The following KCNA4 variants were observed in gnomAD, a reference collection of about 807,000 sequenced individuals.
KCNA4 encodes the protein potassium voltage-gated channel subfamily A member 4.
A neutral mutation model predicts 37.2 loss-of-function variants in KCNA4; 5 were observed. That is an observed-to-expected ratio of 0.13 (90% confidence interval 0.07 to 0.28). The LOEUF (loss-of-function observed/expected upper bound fraction) is 0.28, where lower values mean the gene tolerates loss of function less well. KCNA4 is among the 10% of genes least tolerant of loss of function. KCNA4 has a pLI of 1.00. For missense variants in KCNA4, 634 were observed against 817.4 expected (o/e 0.78, Z 2.74); for synonymous variants, 350 against 311.8 (o/e 1.12, Z -1.29).
rs1850310773 is a variant in KCNA4, at chr11:30,012,207, G to A, written c.472C>T (p.Pro158Ser). 6.2e-7 allele frequency: 1 copy of A among 1,614,146 alleles called. No homozygotes were observed. Among genetic ancestry groups the A allele is most frequent in the African/African-American group, 1.3e-5 (1 of 75,046 alleles). Residue 158 changes from proline (P) to serine (S), a missense_variant, in exon 2 of 2, where the codon CCT becomes TCT. This residue lies in a region of KCNA4 where 236 missense variants were observed against 229.5 expected (regional missense o/e 1.03). Coordinates refer to ENST00000328224, the MANE Select transcript of KCNA4 (RefSeq NM_002233.4). ...TAGCCGCCACCGCCCTCATCCTGAG[G>A]CAGCAGATCCGTGTAGGAACACTCA... Reference protein sequence around the residue: ...GDECSYTDLLPQDEGGGGYSS... With the variant: ...GDECSYTDLLSQDEGGGGYSS...
Position 30,013,400 on chromosome 11 carries a change from A to G in KCNA4, c.-722T>C, listed in dbSNP as rs1850324730. ...AAGCAAAACCAGCTCTGAGGTCTCC[A>G]TAGAAATCAAGGAAATGCAGAGCAT... On this transcript the variant is annotated 5_prime_UTR_variant, in exon 2 of 2. The change abolishes an upstream ATG in the 5' untranslated region. Coordinates refer to ENST00000328224, the MANE Select transcript of KCNA4 (RefSeq NM_002233.4). The G allele has an allele frequency of 6.0e-6, 1 of 167,100 alleles. No homozygotes were observed. Among genetic ancestry groups the G allele is most frequent in the Non-Finnish European group, 1.5e-5 (1 of 68,132 alleles). 10.4% of individuals were successfully genotyped at this position (167,100 alleles called of 1,614,324 possible).
At position 30,011,560 on chromosome 11, in the gene KCNA4, G is replaced by T. The variant is rs775146851; in HGVS notation, c.1119C>A (p.Ile373=). 4.3e-6 allele frequency: 7 copies of T among 1,614,114 alleles called. No homozygotes were observed. In the East Asian group the frequency reaches 8.9e-5, roughly 21 times the overall value. ...ACCATACAATACAGACTGTTTCCACGATGAAGAAGGGGTCATTGAATATTG... is the reference window on the plus strand; with the variant it reads ...ACCATACAATACAGACTGTTTCCACTATGAAGAAGGGGTCATTGAATATTG... ...GHTIFNDPFF[I]VETVCIVWFS... is the part of the protein sequence containing the mutation. The change falls in exon 2 of 2, where the codon ATC becomes ATA. Residue 373 remains isoleucine, a synonymous_variant. Coordinates refer to ENST00000328224, the MANE Select transcript of KCNA4 (RefSeq NM_002233.4). This position sits in a 1 kb window ranked among gnomAD's most constrained non-coding sequence, Gnocchi z 5.6.
Position 30,010,515 on chromosome 11 carries a change from C to T in KCNA4, c.*202G>A. The stretch of plus-strand genomic sequence containing the variant: ...TAAAAATATAAAGATAGATTTGCTC[C>T]TATTCCTCCCTCTTCTCCAAGATGT... On this transcript the variant is annotated 3_prime_UTR_variant, in exon 2 of 2. Transcript: ENST00000328224. The T allele has an allele frequency of 1.2e-6, 1 of 816,292 alleles. No homozygotes were observed. Among genetic ancestry groups the T allele is most frequent in the Non-Finnish European group, 1.8e-6 (1 of 566,702 alleles). 50.6% of individuals were successfully genotyped at this position (816,292 alleles called of 1,614,324 possible).
Position 30,016,650 on chromosome 11 carries a change from T to C in KCNA4, c.-861A>G, listed in dbSNP as rs1850355080. ...TTTTTCCCCCTCAAGCTGCAACAGC[T>C]GGAGGAGGGGAAGAATGATCCTGGG... On this transcript the variant is annotated 5_prime_UTR_variant, in exon 1 of 2. Transcript: ENST00000328224. 9.5e-6 allele frequency: 2 copies of C among 210,232 alleles called. No individual in the cohort carries two copies. Among genetic ancestry groups the C allele is most frequent in the East Asian group, 8.3e-5 (1 of 12,040 alleles). The allele number at this position is 210,232 out of a possible 1,614,324, so 13.0% of individuals were successfully genotyped here.
At position 30,016,743 on chromosome 11, in the gene KCNA4, A is replaced by C; in HGVS notation, c.-954T>G. On this transcript the variant is annotated 5_prime_UTR_variant, in exon 1 of 2. Coordinates refer to ENST00000328224, the MANE Select transcript of KCNA4 (RefSeq NM_002233.4). ...GGTGGAGGCTCCAAATATCCACGGAACAAGTTCTGTTGCCTGGCCCGAGGG... is the reference window on the plus strand; with the variant it reads ...GGTGGAGGCTCCAAATATCCACGGACCAAGTTCTGTTGCCTGGCCCGAGGG... 6 of 344,048 alleles carry C rather than the reference A, an allele frequency of 1.7e-5. No individual in the cohort carries two copies. The highest frequency in any genetic ancestry group is 2.1e-5 in the Non-Finnish European group (4 of 192,280). 21.3% of individuals were successfully genotyped at this position (344,048 alleles called of 1,614,324 possible).
chr11:30,015,340 T>C (rs1009640989), intron 1 of KCNA4, among the ~76,000 whole-genome samples: 2 of 151,914 alleles, frequency 1.3e-5, no homozygotes, highest in Non-Finnish European at 2.9e-5. Flanking sequence ...CTTCCCCAAC[T>C]CCCCTAAAAC....
At position 30,011,075 on chromosome 11, in the gene KCNA4, A is replaced by G. The variant is rs377312973; in HGVS notation, c.1604T>C (p.Val535Ala). 1.9e-5 allele frequency: 30 copies of G among 1,614,026 alleles called. No homozygotes were observed. The highest frequency in any genetic ancestry group is 2.5e-5 in the Non-Finnish European group (29 of 1,180,034). Residue 535 changes from valine to alanine, a missense_variant, in exon 2 of 2, where the codon GTA (valine) becomes GCA (alanine). Coordinates refer to ENST00000328224, the MANE Select transcript of KCNA4 (RefSeq NM_002233.4). This position sits in a 1 kb window ranked among gnomAD's most constrained non-coding sequence, Gnocchi z 5.6. ...VGYGDMKPIT[V>A]GGKIVGSLCA... ...CAGGGACCCGACAATCTTGCCCCCT[A>G]CAGTGATGGGCTTCATGTCCCCATA...
At position 30,010,706 on chromosome 11, in the gene KCNA4, T is replaced by C; in HGVS notation, c.*11A>G. 6.4e-7 allele frequency: 1 copy of C among 1,572,752 alleles called. No homozygotes were observed. Among genetic ancestry groups the C allele is most frequent in the East Asian group, 2.3e-5 (1 of 44,344 alleles). On this transcript the variant is annotated 3_prime_UTR_variant, in exon 2 of 2. Coordinates refer to ENST00000328224, the MANE Select transcript of KCNA4 (RefSeq NM_002233.4). Reference sequence around the variant, plus strand: ...ATGCTGAGGGGGGAGCAGTGGCAGGTGGAAAAAGATTCACACATCAGTCTC... The same window carrying C: ...ATGCTGAGGGGGGAGCAGTGGCAGGCGGAAAAAGATTCACACATCAGTCTC...
rs1590489514 is a variant in KCNA4 at position 30,011,101 on chromosome 11, G to T, written c.1578C>A (p.Gly526=). 1 of 1,614,188 alleles carries T rather than the reference G, an allele frequency of 6.2e-7. No individual in the cohort carries two copies. Among genetic ancestry groups the T allele is most frequent in the Non-Finnish European group, 8.5e-7 (1 of 1,180,048 alleles). ...CAGTGATGGGCTTCATGTCCCCATA[G>T]CCCACAGTTGTCATGGTCACCACAG... ...WWAVVTMTTV[G]YGDMKPITVG... The change falls in exon 2 of 2, where the codon GGC becomes GGA. Residue 526 remains glycine (G), a synonymous_variant. Coordinates refer to ENST00000328224, the MANE Select transcript of KCNA4 (RefSeq NM_002233.4). This position sits in a 1 kb window ranked among gnomAD's most constrained non-coding sequence, Gnocchi z 5.6.
Position 30,012,626 on chromosome 11 carries a change from G to A in KCNA4, c.53C>T (p.Pro18Leu). Residue 18 changes from proline (P) to leucine (L), a missense_variant, in exon 2 of 2, where the codon CCT (proline) becomes CTT (leucine). Physicochemically the swap from Pro to Leu is moderately conservative, Grantham distance 98 (BLOSUM62 -3). Coordinates refer to ENST00000328224, the MANE Select transcript of KCNA4 (RefSeq NM_002233.4). ...AESSGCNSHM[P>L]YGYAAQARAR... ...CCGGGCCTGGGCAGCATAACCATAA[G>A]GCATGTGACTGTTGCACCCTGAGCT... 1.2e-6 allele frequency: 2 copies of A among 1,600,214 alleles called. No homozygotes were observed. The highest frequency in any genetic ancestry group is 1.7e-6 in the Non-Finnish European group (2 of 1,172,890).
At position 30,010,620 on chromosome 11, in the gene KCNA4, T is replaced by C. The variant is rs1228317056; in HGVS notation, c.*97A>G. On this transcript the variant is annotated 3_prime_UTR_variant, in exon 2 of 2. Coordinates refer to ENST00000328224, the MANE Select transcript of KCNA4 (RefSeq NM_002233.4). Reference sequence around the variant, plus strand: ...ATTAAATAGTGTACTACTGTATGCATTGGATCATTTGCATATTTCATTTTC... The same window carrying C: ...ATTAAATAGTGTACTACTGTATGCACTGGATCATTTGCATATTTCATTTTC... The C allele has an allele frequency of 3.3e-6, 5 of 1,497,758 alleles. No homozygotes were observed. Among genetic ancestry groups the C allele is most frequent in the East Asian group, 2.3e-5 (1 of 44,028 alleles). 92.8% of individuals were successfully genotyped at this position (1,497,758 alleles called of 1,614,324 possible).
At chr11:30,015,973 T>C (rs1035950435) in intron 1 of KCNA4, among the ~76,000 whole-genome samples, 2 of 151,742 alleles carry the variant, frequency 1.3e-5, no homozygotes, top group Non-Finnish European at 2.9e-5. Context: ...CCTGCAACTG[T>C]GTCACTGTCA....
rs754154324 is a variant in KCNA4 at position 30,011,290 on chromosome 11, G to C, written c.1389C>G (p.Gly463=). The C allele has an allele frequency of 6.2e-7, 1 of 1,614,124 alleles. No individual in the cohort carries two copies. The highest frequency in any genetic ancestry group is 1.3e-5 in the African/African-American group (1 of 75,022). Residue 463 remains glycine (G), a synonymous_variant, in exon 2 of 2, where the codon GGC becomes GGG. Transcript: ENST00000328224. This position sits in a 1 kb window ranked among gnomAD's most constrained non-coding sequence, Gnocchi z 5.6. ...RIFKLSRHSK[G]LQILGHTLRA... Reference sequence around the variant, plus strand: ...TGAGGGTGTGGCCCAGGATCTGCAGGCCTTTGGAGTGCCTGGAGAGTTTGA... The same window carrying C: ...TGAGGGTGTGGCCCAGGATCTGCAGCCCTTTGGAGTGCCTGGAGAGTTTGA...
intron 1 of KCNA4, among the ~76,000 whole-genome samples, chr11:30,016,021 A>AAGAG (rs977924979): frequency 6.6e-6 from 1 of 151,256 alleles, no homozygotes; most frequent in Non-Finnish European, 1.5e-5. Flanking sequence ...GAGAGAGAGA[A>AAGAG]AGAGAGAGAA....
chr11:30,012,456 C>T lies in KCNA4; in HGVS notation c.223G>A (p.Asp75Asn), dbSNP rs1427017553. ...CGACTACCCCGGCTGCTCTGAGGGT[C>T]ATGGGAGGTACAGGCCCCGCGTGAC... is the stretch of plus-strand genomic sequence containing the variant. ...HQSRGACTSH[D>N]PQSSRGSRRR... Residue 75 changes from aspartate (D) to asparagine (N), a missense_variant, in exon 2 of 2, where the codon GAC (aspartate) becomes AAC (asparagine). Coordinates refer to ENST00000328224, the MANE Select transcript of KCNA4 (RefSeq NM_002233.4). 10 of 1,612,796 alleles carry T rather than the reference C, an allele frequency of 6.2e-6. No homozygotes were observed. The highest frequency in any genetic ancestry group is 8.5e-6 in the Non-Finnish European group (10 of 1,180,040).
rs767472239 is a variant in KCNA4 at position 30,012,092 on chromosome 11, T to C, written c.587A>G (p.Gln196Arg). 1.2e-6 allele frequency: 2 copies of C among 1,614,024 alleles called. No homozygotes were observed. Among genetic ancestry groups the C allele is most frequent in the Non-Finnish European group, 1.7e-6 (2 of 1,180,020 alleles). ...GTCTCCCAACAAAGTCTCTGGAAAC[T>C]GGGCCAGAGTTTTCATTTGGGTCTC... The part of the protein sequence containing the change: ...RFETQMKTLA[Q>R]FPETLLGDPE... The change falls in exon 2 of 2, where the codon CAG (glutamine) becomes CGG (arginine). Residue 196 changes from glutamine (Q) to arginine (R), a missense_variant. Gln to Arg is a conservative substitution (Grantham distance 43). Transcript: ENST00000328224.
In KCNA4 at chr11:30,012,573, A is replaced by G. The variant is rs1406335278; in HGVS notation, c.106T>C (p.Ser36Pro). ...ACAGCAGCTGCTGCAGCTGCCCTGG[A>G]GTGAGCAAGCCTCTCCCGCTCCCGG... is the stretch of plus-strand genomic sequence containing the variant. ...RARERERLAH[S>P]RAAAAAAVAA... The change falls in exon 2 of 2, where the codon TCC (serine) becomes CCC (proline). Residue 36 changes from serine (S) to proline (P), a missense_variant. By Grantham distance (74) the Ser-to-Pro change is moderately conservative. This residue lies in a region of KCNA4 where 236 missense variants were observed against 229.5 expected (regional missense o/e 1.03). Transcript: ENST00000328224. 6.2e-7 allele frequency: 1 copy of G among 1,607,262 alleles called. No homozygotes were observed. Among genetic ancestry groups the G allele is most frequent in the Non-Finnish European group, 8.5e-7 (1 of 1,179,896 alleles).
rs1253704724 is a variant in KCNA4, at chr11:30,013,005, T to G, written c.-327A>C. ...GGGTAGATGTTGAAATTTGGAAATA[T>G]GTCTGGGATGTGGTTAGTGATGTTG... is the stretch of plus-strand genomic sequence containing the variant. On this transcript the variant is annotated 5_prime_UTR_variant, in exon 2 of 2. Transcript: ENST00000328224. 1 of 232,702 alleles carries G rather than the reference T, an allele frequency of 4.3e-6. No individual in the cohort carries two copies. The highest frequency in any genetic ancestry group is 8.9e-6 in the Non-Finnish European group (1 of 112,224). The allele number at this position is 232,702 out of a possible 1,614,324, so 14.4% of individuals were successfully genotyped here.
chr11:30,014,697 T>C (rs1420074935), intron 1 of KCNA4, among the ~76,000 whole-genome samples: 4 of 152,056 alleles, frequency 2.6e-5, no homozygotes, highest in Non-Finnish European at 4.4e-5. Context: ...CTTAGTTTGC[T>C]CTCCCAAGAT....
Sources: gnomAD v4.1 joint callset for allele counts (sites outside exome capture counted in the v4.1 genomes callset) on GRCh38, gnomAD v4.1.1 for gene constraint, gnomAD v4.1.1 regional missense constraint, Gnocchi (gnomAD v3.1) non-coding constraint, MANE v1.5 for transcripts, NCBI Gene and HGNC (gene_info 2026-07-23, HGNC 2026-07-21) for gene names.